SPTB: variants seen among roughly 807,000 people sequenced by gnomAD.
SPTB encodes the protein spectrin beta, erythrocytic.
SPTB carries 45 observed loss-of-function variants against 256.2 expected under a neutral mutation model. That is an observed-to-expected ratio of 0.18 (90% confidence interval 0.14 to 0.23). The LOEUF (loss-of-function observed/expected upper bound fraction) is 0.23. SPTB is among the 10% of genes least tolerant of loss of function. SPTB has a pLI of 1.00. For missense variants in SPTB, 2,715 were observed against 3,040.4 expected, an observed-to-expected ratio of 0.89 and a Z score of 2.52; for synonymous variants, 1,231 against 1,243.1, an observed-to-expected ratio of 0.99 and a Z score of 0.21.
intron 32 of SPTB, among the ~76,000 whole-genome samples, chr14:64,761,233 G>A (rs1368888002): frequency 6.6e-6 from 1 of 152,198 alleles, no homozygotes; most frequent in Non-Finnish European, 1.5e-5. Context: ...GTCACTGGGT[G>A]GGTTGGAAAG....
chr14:64,785,274 T>A lies in SPTB; in HGVS notation c.3855+263A>T, dbSNP rs1300939946. On this transcript the variant is annotated intron_variant, in intron 18 of 35. Transcript: ENST00000644917. This position sits in a 1 kb window ranked among gnomAD's most constrained non-coding sequence, Gnocchi z 4.4. ...GCCCAGACTGGGTCCTAGGTGATTC[T>A]AAAATAGACTGTCCCTAGACTACTC... 6.6e-6 allele frequency among the ~76,000 whole-genome samples: 1 copy of A among 151,854 alleles called. No individual in the cohort carries two copies.
intron 20 of SPTB, among the ~76,000 whole-genome samples, chr14:64,782,045 C>T (rs574371554): frequency 6.6e-6 from 1 of 152,288 alleles, no homozygotes; most frequent in South Asian, 2.1e-4. Context: ...AAACAACAGA[C>T]ACTGGGGTGT....
At chr14:64,798,517 C>T (rs999616266) in intron 9 of SPTB, among the ~76,000 whole-genome samples, 1 of 152,188 alleles carries the variant, frequency 6.6e-6, no homozygotes, top group African/African-American at 2.4e-5. Context: ...CCTAAGTGTC[C>T]ACCCATTTCT....
At position 64,801,449 on chromosome 14, in the gene SPTB, C is replaced by T. The variant is rs230704; in HGVS notation, c.648-49G>A. On this transcript the variant is annotated intron_variant, in intron 6 of 35. Coordinates refer to ENST00000644917, the MANE Select transcript of SPTB (RefSeq NM_001355436.2). ...AAAGGGAGTAGCCACAGCATCCCCA[C>T]CAGGAGGGCAGCCCTAGCATGAAGC... The T allele has an allele frequency of 0.32, 437,209 of 1,380,502 alleles. 72,920 individuals carry two copies. Among genetic ancestry groups the T allele is most frequent in the African/African-American group, 0.53 (37,658 of 70,476 alleles). 85.5% of individuals were successfully genotyped at this position (1,380,502 alleles called of 1,614,324 possible).
chr14:64,766,160 GTGTGTA>G (rs764117372), intron 32 of SPTB, among the ~76,000 whole-genome samples: 29 of 150,172 alleles, frequency 1.9e-4, no homozygotes, highest in Non-Finnish European at 2.1e-4. Flanking sequence ...TGGTGTGTTT[GTGTGTA>G]TGTGTATGTG....
Position 64,779,055 on chromosome 14 carries a change from G to A in SPTB, c.4563+102C>T. 1 of 841,202 alleles carries A rather than the reference G, an allele frequency of 1.2e-6. No individual in the cohort carries two copies. The highest frequency in any genetic ancestry group is 1.5e-5 in the South Asian group (1 of 68,904). 52.1% of individuals were successfully genotyped at this position (841,202 alleles called of 1,614,324 possible). On this transcript the variant is annotated intron_variant, in intron 22 of 35. Transcript: ENST00000644917. This position sits in a 1 kb window ranked among gnomAD's most constrained non-coding sequence, Gnocchi z 4.2. Reference sequence around the variant, plus strand: ...AAGCTACCAACAAGAACAATAATCTGCTGTTGCTAGCCTTCTGCAGGTCAG... The same window carrying A: ...AAGCTACCAACAAGAACAATAATCTACTGTTGCTAGCCTTCTGCAGGTCAG...
intron 1 of SPTB, among the ~76,000 whole-genome samples, chr14:64,863,305 G>A (rs367788519): frequency 6.7e-6 from 1 of 149,446 alleles, no homozygotes; most frequent in South Asian, 2.1e-4. Context: ...GCTGATGAGC[G>A]AAAAAAAAAA....
Position 64,773,355 on chromosome 14 carries a change from C to T in SPTB, c.5043G>A (p.Glu1681=), listed in dbSNP as rs577784924. The part of the protein sequence containing the change: ...HYAGLKDVAE[E]RKRKLENMYH... ...ACATGTTCTCCAGCTTGCGCTTGCG[C>T]TCTTCCGCCACGTCCTTCAGCCCTG... Residue 1681 remains glutamate, a synonymous_variant, in exon 25 of 36, where the codon GAG becomes GAA. Transcript: ENST00000644917. The T allele has an allele frequency of 2.5e-6, 4 of 1,614,244 alleles. No individual in the cohort carries two copies. The Admixed American group carries it at 5.0e-5, about 20-fold the overall frequency.
chr14:64,751,927 C>CAAAAAAAAAA lies in SPTB; in HGVS notation c.6602+1600_6602+1609dup, dbSNP rs374561563. ...TGAAACCCCATTTCTACTAAAAATG[C>CAAAAAAAAAA]AAAAAAAAAAAAAAAAATTAGCCAG... is the stretch of plus-strand genomic sequence containing the variant. On this transcript the variant is annotated intron_variant, in intron 33 of 35. Coordinates refer to ENST00000644917, the MANE Select transcript of SPTB (RefSeq NM_001355436.2). Among the ~76,000 whole-genome samples the CAAAAAAAAAA allele has an allele frequency of 3.1e-4, 22 of 71,946 alleles. 1 individual carries two copies. The highest frequency in any genetic ancestry group is 1.1e-3 in the African/African-American group (20 of 17,508). 47.2% of individuals were successfully genotyped at this position (71,946 alleles called of 152,430 possible).
Position 64,845,804 on chromosome 14 carries a change from C to A in SPTB, c.-51-22659G>T, listed in dbSNP as rs533734532. 2.0e-5 allele frequency among the ~76,000 whole-genome samples: 3 copies of A among 152,242 alleles called. No homozygotes were observed. In the East Asian group the frequency reaches 5.8e-4, roughly 29 times the overall value. ...TTGTTGAGTCAAATTATTTTCGACT[C>A]TTTTAAAATGTTATCATTTTAATTT... is the stretch of plus-strand genomic sequence containing the variant. On this transcript the variant is annotated intron_variant, in intron 1 of 35. Transcript: ENST00000644917. This position sits in a 1 kb window ranked among gnomAD's most constrained non-coding sequence, Gnocchi z 4.8.
chr14:64,869,180 A>G (rs1457773058), intron 1 of SPTB, among the ~76,000 whole-genome samples: 1 of 152,152 alleles, frequency 6.6e-6, no homozygotes, highest in Non-Finnish European at 1.5e-5. Context: ...ATTCATGGGT[A>G]AGTTAACTTT....
chr14:64,749,091 T>C lies in SPTB; in HGVS notation c.*215A>G, dbSNP rs2081898016. On this transcript the variant is annotated 3_prime_UTR_variant, in exon 36 of 36. Transcript: ENST00000644917. The surrounding 1 kb of genome is among the most constrained non-coding windows in gnomAD (Gnocchi z 4.7). ...CAGAGGAGCTGGGAGCCCCTGTCCC[T>C]GGAGCGGAGCCAGCGCGGGCGAGGG... 2.0e-6 allele frequency: 1 copy of C among 501,844 alleles called. No individual in the cohort carries two copies. Among genetic ancestry groups the C allele is most frequent in the Non-Finnish European group, 3.5e-6 (1 of 289,616 alleles). 31.1% of individuals were successfully genotyped at this position (501,844 alleles called of 1,614,324 possible). A position where few individuals can be genotyped will look rare whatever the true frequency, so the allele number is the denominator to read the frequency against.
At chr14:64,854,594 G>C (rs2083842169) in intron 1 of SPTB, among the ~76,000 whole-genome samples, 1 of 151,970 alleles carries the variant, frequency 6.6e-6, no homozygotes, top group Non-Finnish European at 1.5e-5. Context: ...CCGGAATCTT[G>C]ATTGGAGACA....
rs1248808289 is a variant in SPTB at position 64,787,123 on chromosome 14, C to T, written c.2842G>A (p.Glu948Lys). ...AFQTLVSERR[E>K]AVDSALRVHN... ...ACTCGGAGGGCTGAGTCCACAGCCT[C>T]CCGCCGCTCCGACACCAGGGTCTGA... The change falls in exon 16 of 36, where the codon GAG (glutamate) becomes AAG (lysine). Residue 948 changes from glutamate (E) to lysine (K), a missense_variant. Transcript: ENST00000644917. The T allele has an allele frequency of 6.2e-7, 1 of 1,607,528 alleles. No homozygotes were observed. Among genetic ancestry groups the T allele is most frequent in the African/African-American group, 1.3e-5 (1 of 74,898 alleles).
rs576265934 is a variant in SPTB, at chr14:64,783,641, GCA to G, written c.4002+604_4002+605del. Reference sequence around the variant, plus strand: ...TCATTTCATAGAGGGAGAAACTGAGGCACAGGGAGGTTAAGAAGTCAGTCTGA... The same window carrying G: ...TCATTTCATAGAGGGAGAAACTGAGGCAGGGAGGTTAAGAAGTCAGTCTGA... On this transcript the variant is annotated intron_variant, in intron 19 of 35. Transcript: ENST00000644917. 6.6e-5 allele frequency among the ~76,000 whole-genome samples: 10 copies of G among 152,296 alleles called. No individual in the cohort carries two copies. The South Asian group carries it at 2.1e-3, about 32-fold the overall frequency.
intron 1 of SPTB, among the ~76,000 whole-genome samples, chr14:64,854,373 G>A (rs1364644100): frequency 7.9e-6 from 1 of 126,296 alleles, no homozygotes; most frequent in Non-Finnish European, 1.6e-5. Context: ...CCGCCTCCCA[G>A]GTTCATGCCA....
At chr14:64,801,249 C>CTGCAGCAGTGGGGGA in intron 7 of SPTB, 36 bp downstream of exon 7, 1 of 1,560,926 alleles carries the variant, frequency 6.4e-7, no homozygotes, top group Non-Finnish European at 8.8e-7. Flanking sequence ...TCCCCCACTG[C>CTGCAGCAGTGGGGGA]TGCAGCAAAG....
chr14:64,801,293 T>C lies in SPTB; in HGVS notation c.755A>G (p.Asp252Gly). ...ERQLGIIPLL[D>G]PEDVFTENPD... Reference sequence around the variant, plus strand: ...GGGTGGGTGTGGCTCACCTTCGGGGTCGAGGAGCGGGATGATGCCCAGCTG... The same window carrying C: ...GGGTGGGTGTGGCTCACCTTCGGGGCCGAGGAGCGGGATGATGCCCAGCTG... The change falls in exon 7 of 36, where the codon GAC becomes GGC. Residue 252 changes from aspartate (D) to glycine (G), a missense_variant. Around this residue, in one of 4 missense-constraint regions of SPTB, gnomAD observed 416 missense variants for 571.1 expected, o/e 0.73. Transcript: ENST00000644917. The C allele has an allele frequency of 6.2e-7, 1 of 1,613,620 alleles. No individual in the cohort carries two copies. Among genetic ancestry groups the C allele is most frequent in the Non-Finnish European group, 8.5e-7 (1 of 1,179,744 alleles).
At chr14:64,859,177 C>T (rs948116742) in intron 1 of SPTB, among the ~76,000 whole-genome samples, 1 of 151,926 alleles carries the variant, frequency 6.6e-6, no homozygotes, top group African/African-American at 2.4e-5. Context: ...TCGCTTGAAC[C>T]CAGGAGACGG....
Sources: allele counts gnomAD v4.1 joint callset (sites outside exome capture counted in the v4.1 genomes callset), GRCh38; gene constraint gnomAD v4.1.1; regional missense constraint gnomAD v4.1.1; non-coding constraint Gnocchi (gnomAD v3.1); transcripts MANE v1.5; gene names NCBI Gene and HGNC (gene_info 2026-07-23, HGNC 2026-07-21).